The following PLEKHG5 variants were observed in gnomAD, a reference collection of about 807,000 sequenced individuals.
PLEKHG5 encodes the protein pleckstrin homology and RhoGEF domain containing G5, also known as pleckstrin homology domain-containing family G member 5.
PLEKHG5 carries 52 observed loss-of-function variants against 103.8 expected under a neutral mutation model. The observed-to-expected ratio is 0.50, with a 90% confidence interval of 0.40 to 0.63. The LOEUF (loss-of-function observed/expected upper bound fraction) is 0.63. Among genes scored for constraint, PLEKHG5 ranks in the 30% least tolerant of loss-of-function variants. The pLI is 0.00. For missense variants in PLEKHG5, 1,205 were observed against 1,347.6 expected, an observed-to-expected ratio of 0.89 and a Z score of 1.66; for synonymous variants, 592 against 575.5, an observed-to-expected ratio of 1.03 and a Z score of -0.41.
intron 19 of PLEKHG5, 113 bp downstream of exon 19, chr1:6,468,929 G>T: frequency 1.1e-6 from 1 of 918,024 alleles, no homozygotes; most frequent in Non-Finnish European, 1.8e-6. Context: ...CGCTCCCACA[G>T]TGTTCATGAC....
intron 1 of PLEKHG5, among the ~76,000 whole-genome samples, chr1:6,507,104 A>C: frequency 6.6e-6 from 1 of 152,176 alleles, no homozygotes; most frequent in East Asian, 1.9e-4. Context: ...AGTGTTGTCC[A>C]AACTGCAAAA....
chr1:6,472,484 G>T (rs1043787850), intron 10 of PLEKHG5, 43 bp downstream of exon 10: 30 of 1,339,552 alleles, frequency 2.2e-5, no homozygotes, highest in African/African-American at 4.3e-5. Context: ...GTCAGAAAGA[G>T]GGGGGCAGGG....
intron 4 of PLEKHG5, 118 bp downstream of exon 4, chr1:6,475,344 A>C: frequency 1.1e-6 from 1 of 898,748 alleles, no homozygotes; most frequent in Non-Finnish European, 1.9e-6. Flanking sequence ...GCGATCTCCC[A>C]GACCTCTGCA....
At chr1:6,481,555 ATAAATAAATATAT>A (rs887553627) in intron 1 of PLEKHG5, among the ~76,000 whole-genome samples, 3 of 107,772 alleles carry the variant, frequency 2.8e-5, no homozygotes, top group Non-Finnish European at 3.5e-5. Flanking sequence ...AAATAAATAA[ATAAATAAATATAT>A]AAGTAAATAA....
Position 6,505,854 on chromosome 1 carries a change from G to A in PLEKHG5, c.-164-9285C>T, listed in dbSNP as rs1215468575. Among the ~76,000 whole-genome samples, 3 of 152,166 alleles carry A rather than the reference G, an allele frequency of 2.0e-5. No individual in the cohort carries two copies. Among genetic ancestry groups the A allele is most frequent in the African/African-American group, 4.8e-5 (2 of 41,434 alleles). ...TCTGGCCCCCAGGGTCCTCATTTCC[G>A]GGTCCTCTCCTGCACCAGCGGCAGC... On this transcript the variant is annotated intron_variant, in intron 1 of 21. Transcript: ENST00000377740. This position sits in a 1 kb window ranked among gnomAD's most constrained non-coding sequence, Gnocchi z 4.2.
chr1:6,473,231 G>A lies in PLEKHG5; in HGVS notation c.795+20C>T, dbSNP rs760830942. On this transcript the variant is annotated intron_variant, in intron 8 of 20. Coordinates refer to ENST00000377728, the MANE Select transcript of PLEKHG5 (RefSeq NM_020631.6). ...CATGGCCAGCCAGCTGCCTGACCCT[G>A]GGCAGATGGGGCCACATACCCGGCC... 7 of 1,612,280 alleles carry A rather than the reference G, an allele frequency of 4.3e-6. No homozygotes were observed. Among genetic ancestry groups the A allele is most frequent in the East Asian group, 2.2e-5 (1 of 44,876 alleles).
intron 1 of PLEKHG5, among the ~76,000 whole-genome samples, chr1:6,504,541 G>C (rs1428399774): frequency 6.6e-6 from 1 of 151,728 alleles, no homozygotes; most frequent in African/African-American, 2.4e-5. Flanking sequence ...CTCTCTCCTG[G>C]GAGCAGCACT....
chr1:6,469,446 G>A lies in PLEKHG5; in HGVS notation c.1938C>T (p.Ser646=), dbSNP rs1176575651. Residue 646 remains serine, a synonymous_variant, in exon 18 of 21, where the codon TCC becomes TCT. Transcript: ENST00000377728. ...IVCRELRDPG[S]FLLIYLNEFH... is the part of the protein sequence containing the mutation. ...ACTCATTCAGGTAGATAAGGAGGAA[G>A]GACCCTGGTTAGGGAAGGCCCAAGT... The A allele has an allele frequency of 6.2e-7, 1 of 1,613,910 alleles. No homozygotes were observed. The highest frequency in any genetic ancestry group is 1.3e-5 in the African/African-American group (1 of 75,054).
At chr1:6,474,905 C>T (rs927352037) in intron 5 of PLEKHG5, 142 bp downstream of exon 5, 10 of 763,716 alleles carry the variant, frequency 1.3e-5, no homozygotes, top group East Asian at 2.4e-5. Context: ...CACACCAGCA[C>T]GGGTCTGCCC....
chr1:6,478,191 C>CA, intron 1 of PLEKHG5, among the ~76,000 whole-genome samples: 1 of 151,282 alleles, frequency 6.6e-6, no homozygotes, highest in East Asian at 1.9e-4. Context: ...GCTTCTCCAT[C>CA]TTTTTTTTTC....
intron 1 of PLEKHG5, among the ~76,000 whole-genome samples, chr1:6,489,866 C>T (rs1369490073): frequency 2.0e-5 from 3 of 152,210 alleles, no homozygotes; most frequent in African/African-American, 4.8e-5. Context: ...AAAATACCCC[C>T]GAGCTCCCTC....
upstream of PLEKHG5, chr1:6,496,393 G>C: frequency 2.2e-6 from 2 of 922,686 alleles, no homozygotes; most frequent in Non-Finnish European, 1.7e-6. Flanking sequence ...AGCCGCGCCC[G>C]TGCCAGGGCT....
chr1:6,475,405 G>A (rs1359393414), intron 4 of PLEKHG5, 57 bp downstream of exon 4: 8 of 1,488,104 alleles, frequency 5.4e-6, no homozygotes, highest in South Asian at 4.5e-5. Flanking sequence ...GCCCAGGCTC[G>A]GGGAAGGGCG....
intron 1 of PLEKHG5, among the ~76,000 whole-genome samples, chr1:6,489,939 C>T (rs1645115874): frequency 6.6e-6 from 1 of 152,222 alleles, no homozygotes; most frequent in African/African-American, 2.4e-5. Flanking sequence ...CAGACTTCCA[C>T]CAAGGCAGGC....
chr1:6,508,540 G>A (rs796305834), intron 1 of PLEKHG5, among the ~76,000 whole-genome samples: 4 of 152,310 alleles, frequency 2.6e-5, no homozygotes, highest in African/African-American at 4.8e-5. Flanking sequence ...AGGGTGCAGC[G>A]CCAGCCCCTC....
chr1:6,479,350 G>A (rs1393734935), intron 1 of PLEKHG5, among the ~76,000 whole-genome samples: 4 of 146,772 alleles, frequency 2.7e-5, no homozygotes, highest in Admixed American at 1.4e-4. Context: ...GCAGTGGCGC[G>A]ATCTCGACTC....
At chr1:6,485,443 T>C (rs565150951) in intron 1 of PLEKHG5, 5 of 1,271,332 alleles carry the variant, frequency 3.9e-6, no homozygotes, top group Non-Finnish European at 5.0e-6. Flanking sequence ...CCTGTCCCCA[T>C]GGCGGCCGGA....
At position 6,509,532 on chromosome 1, in the gene PLEKHG5, C is replaced by T. The variant is rs576449922; in HGVS notation, c.-165+9913G>A. Among the ~76,000 whole-genome samples, 13 of 152,348 alleles carry T rather than the reference C, an allele frequency of 8.5e-5. 1 individual carries two copies. The South Asian group carries it at 1.7e-3, about 19-fold the overall frequency. The stretch of plus-strand genomic sequence containing the variant: ...GGCAGGACCCGGCCATCGACCCCCA[C>T]GCCAGGAAGCCACGGCCACTCGGGA... On this transcript the variant is annotated intron_variant, in intron 1 of 21. Coordinates refer to the PLEKHG5 transcript ENST00000377740.
chr1:6,469,160 G>C lies in PLEKHG5; in HGVS notation c.2131C>G (p.Gln711Glu), dbSNP rs761272621. The stretch of plus-strand genomic sequence containing the variant: ...TCCTCCTCCTCCTCTTCCTCCTCCT[G>C]CTCATCCTCCTCCTCTTCCAGGCTC... ...LQSLEEEEDE[Q>E]EEEEEEEEEE... is the part of the protein sequence containing the mutation. The change falls in exon 19 of 21, where the codon CAG (glutamine) becomes GAG (glutamate). Residue 711 changes from glutamine to glutamate, a missense_variant. By Grantham distance (29) the Gln-to-Glu change is conservative (BLOSUM62 2). Transcript: ENST00000377728. 33 of 1,611,890 alleles carry C rather than the reference G, an allele frequency of 2.0e-5. No individual in the cohort carries two copies. Among genetic ancestry groups the C allele is most frequent in the Non-Finnish European group, 1.5e-5 (18 of 1,179,332 alleles).
Sources: allele counts gnomAD v4.1 joint callset (sites outside exome capture counted in the v4.1 genomes callset), GRCh38; gene constraint gnomAD v4.1.1; non-coding constraint Gnocchi (gnomAD v3.1); transcripts MANE v1.5; gene names NCBI Gene and HGNC (gene_info 2026-07-23, HGNC 2026-07-21).